Variants in TTC7B observed in about 807,000 individuals in gnomAD.
The protein encoded by TTC7B is tetratricopeptide repeat protein 7B.
A neutral mutation model predicts 106.8 loss-of-function variants in TTC7B; 28 were observed. That is an observed-to-expected ratio of 0.26 (90% CI 0.19 to 0.36). TTC7B has a LOEUF of 0.36. Ranked by LOEUF, TTC7B falls within the 10% of genes least tolerant of loss-of-function variation. The pLI, the probability that TTC7B is intolerant of heterozygous loss-of-function variation, is 1.00. For missense variants in TTC7B, 862 were observed against 1,076.4 expected (o/e 0.80, Z 2.79); for synonymous variants, 405 against 430.6 (o/e 0.94, Z 0.74).
At chr14:90,630,407 C>T (rs775405552) in intron 15 of TTC7B, among the ~76,000 whole-genome samples, 1 of 152,158 alleles carries the variant, frequency 6.6e-6, no homozygotes, top group African/African-American at 2.4e-5. Context: ...TTGTCATCTA[C>T]GAATGCTGGA....
chr14:90,773,420 A>T (rs1207828211), intron 3 of TTC7B, among the ~76,000 whole-genome samples: 1 of 152,180 alleles, frequency 6.6e-6, no homozygotes, highest in Non-Finnish European at 1.5e-5. Context: ...AAGTGGAAAG[A>T]GTATGGATGC....
intron 6 of TTC7B, among the ~76,000 whole-genome samples, chr14:90,694,259 G>A (rs2896140): frequency 0.87 from 132,515 of 152,128 alleles, 57,877 homozygotes; most frequent in East Asian, 1. Flanking sequence ...ACAAAACCAC[G>A]AATGGTATCA....
intron 6 of TTC7B, among the ~76,000 whole-genome samples, chr14:90,692,064 T>C (rs563811642): frequency 6.6e-5 from 10 of 152,258 alleles, no homozygotes; most frequent in Non-Finnish European, 1.5e-4. Flanking sequence ...TTTTTATGGC[T>C]GAATGATATT....
At chr14:90,712,405 T>C (rs1176084267) in intron 5 of TTC7B, among the ~76,000 whole-genome samples, 1 of 152,136 alleles carries the variant, frequency 6.6e-6, no homozygotes, top group Non-Finnish European at 1.5e-5. Flanking sequence ...AGCAATCTAT[T>C]ACAAAATTAT....
At position 90,541,589 on chromosome 14, in the gene TTC7B, C is replaced by T; in HGVS notation, c.2311G>A (p.Ala771Thr). ...PTHVKSMQRL[A>T]LILHQLGRYS... The stretch of plus-strand genomic sequence containing the variant: ...CGGCCTAGCTGGTGAAGGATCAGGG[C>T]CTGGAGAGGTCAGAGAGAGAGAGAG... Residue 771 changes from alanine (A) to threonine (T), a missense_variant and splice_region_variant, in exon 20 of 20, where the codon GCC becomes ACC. Physicochemically the swap from Ala to Thr is moderately conservative, Grantham distance 58. Transcript: ENST00000328459. 1.3e-6 allele frequency: 2 copies of T among 1,582,022 alleles called. No homozygotes were observed. The highest frequency in any genetic ancestry group is 1.7e-4 in the Middle Eastern group (1 of 5,924).
intron 9 of TTC7B, among the ~76,000 whole-genome samples, chr14:90,666,362 T>G (rs1283837018): frequency 6.6e-6 from 1 of 152,178 alleles, no homozygotes; most frequent in Non-Finnish European, 1.5e-5. Context: ...GGTTTCACTA[T>G]GTTGACTGGG....
chr14:90,622,729 C>T (rs537305346), intron 15 of TTC7B, among the ~76,000 whole-genome samples: 81 of 152,082 alleles, frequency 5.3e-4, no homozygotes, highest in African/African-American at 1.9e-3. Context: ...TGAGACCCTG[C>T]CCCCACTTCC....
At chr14:90,754,978 T>C (rs1279039753) in intron 3 of TTC7B, among the ~76,000 whole-genome samples, 1 of 152,236 alleles carries the variant, frequency 6.6e-6, no homozygotes. Flanking sequence ...ACTGATCACT[T>C]CAGTAGCATT....
chr14:90,603,557 T>G lies in TTC7B; in HGVS notation c.1966+7185A>C, dbSNP rs117332942. Among the ~76,000 whole-genome samples, 461 of 152,230 alleles carry G rather than the reference T, an allele frequency of 3.0e-3. 3 individuals are homozygous for G. Among genetic ancestry groups the G allele is most frequent in the Non-Finnish European group, 4.8e-3 (326 of 68,006 alleles). On this transcript the variant is annotated intron_variant, in intron 17 of 19. Transcript: ENST00000328459. ...CAGCACATGAAAGCTGACCAATTCA[T>G]GCAATGTATTTTGTTTCCAGAGCAG...
intron 19 of TTC7B, among the ~76,000 whole-genome samples, chr14:90,561,846 C>T (rs1236260186): frequency 6.6e-6 from 1 of 152,156 alleles, no homozygotes; most frequent in Non-Finnish European, 1.5e-5. Flanking sequence ...GGAGGGTTGG[C>T]GAGTCTGGCA....
intron 11 of TTC7B, 65 bp from the exon 12 acceptor site, chr14:90,655,175 G>A: frequency 2.5e-6 from 3 of 1,217,380 alleles, no homozygotes; most frequent in Admixed American, 1.7e-5. Context: ...GTTCCCATAA[G>A]CGTCTGCTGC....
chr14:90,694,353 G>A (rs553526401), intron 6 of TTC7B, among the ~76,000 whole-genome samples: 1 of 152,238 alleles, frequency 6.6e-6, no homozygotes, highest in African/African-American at 2.4e-5. Flanking sequence ...AGGGGGAGGG[G>A]AAAATGGGGA....
chr14:90,561,284 A>G (rs1008316797), intron 19 of TTC7B, among the ~76,000 whole-genome samples: 4 of 152,212 alleles, frequency 2.6e-5, no homozygotes, highest in Non-Finnish European at 5.9e-5. Flanking sequence ...ATTCAACTGG[A>G]TCTAATCAAG....
intron 5 of TTC7B, among the ~76,000 whole-genome samples, chr14:90,703,627 C>A (rs78421930): frequency 0.18 from 27,620 of 152,110 alleles, 2,661 homozygotes; most frequent in East Asian, 0.3. Context: ...GTCAGCAGTC[C>A]AAATGGCTGC....
chr14:90,809,219 A>G (rs1368527711), intron 1 of TTC7B, among the ~76,000 whole-genome samples: 4 of 152,238 alleles, frequency 2.6e-5, no homozygotes, highest in Non-Finnish European at 4.4e-5. Flanking sequence ...CAGGGGAAAA[A>G]GAGAGACTAC....
At chr14:90,617,351 GTTC>G (rs1893127202) in intron 16 of TTC7B, among the ~76,000 whole-genome samples, 1 of 152,174 alleles carries the variant, frequency 6.6e-6, no homozygotes, top group African/African-American at 2.4e-5. Context: ...ATGAGTATCT[GTTC>G]TTCAAACTCT....
At chr14:90,619,583 G>C (rs977476407) in intron 15 of TTC7B, among the ~76,000 whole-genome samples, 1 of 152,204 alleles carries the variant, frequency 6.6e-6, no homozygotes, top group African/African-American at 2.4e-5. Flanking sequence ...AAAAAGAGAG[G>C]GAGGAGCTCC....
rs1387819801 is a variant in TTC7B, at chr14:90,608,671, C to CACAT, written c.1966+2067_1966+2070dup. Among the ~76,000 whole-genome samples the CACAT allele has an allele frequency of 3.9e-5, 6 of 152,288 alleles. No individual in the cohort carries two copies. In the East Asian group the frequency reaches 1.2e-3, roughly 29 times the overall value. On this transcript the variant is annotated intron_variant, in intron 17 of 19. Coordinates refer to ENST00000328459, the MANE Select transcript of TTC7B (RefSeq NM_001010854.2). This position sits in a 1 kb window ranked among gnomAD's most constrained non-coding sequence, Gnocchi z 5.1. ...GACACCGCAGACTGTGTCACACAGG[C>CACAT]ACATCTTCCCTAAACACCATGGCAT...
At chr14:90,730,533 A>G (rs1368360400) in intron 4 of TTC7B, among the ~76,000 whole-genome samples, 2 of 152,206 alleles carry the variant, frequency 1.3e-5, no homozygotes, top group African/African-American at 4.8e-5. Flanking sequence ...GGGGACACGG[A>G]AGCGGGTCCT....
Sources: allele counts gnomAD v4.1 joint callset (sites outside exome capture counted in the v4.1 genomes callset), GRCh38; gene constraint gnomAD v4.1.1; non-coding constraint Gnocchi (gnomAD v3.1); transcripts MANE v1.5; gene names NCBI Gene and HGNC (gene_info 2026-07-23, HGNC 2026-07-21).